The following TMEM200C variants were observed in gnomAD, a reference collection of about 807,000 sequenced individuals.
TMEM200C encodes transmembrane protein 200C, also known as transmembrane protein TTMA.
For synonymous variants in TMEM200C, 462 were observed against 324.7 expected, an observed-to-expected ratio of 1.42 and a Z score of -4.55; for missense variants, 966 against 699.9, an observed-to-expected ratio of 1.38 and a Z score of -4.29.
At chr18:5,887,286 T>C (rs2095166110) in exon 3 of TMEM200C, 1 of 152,192 alleles carries the variant, frequency 6.6e-6, no homozygotes, top group Non-Finnish European at 1.5e-5. Flanking sequence ...TAAGGCCCTT[T>C]CAAATACTCT....
In TMEM200C at chr18:5,891,824, C is replaced by T; in HGVS notation, c.240G>A (p.Gly80=). The change falls in exon 3 of 3, where the codon GGG becomes GGA. Residue 80 remains glycine, a synonymous_variant. Coordinates refer to ENST00000581347, the Ensembl canonical transcript of TMEM200C. The surrounding 1 kb of genome is among the most constrained non-coding windows in gnomAD (Gnocchi z 4.7). ...GCTGCTTACCCCCCTCCCGATTGGT[C>T]CCGGTGGCCTTGGGCCAGTAGCCCA... is the stretch of plus-strand genomic sequence containing the variant. The T allele has an allele frequency of 6.2e-7, 1 of 1,605,450 alleles. No individual in the cohort carries two copies. Among genetic ancestry groups the T allele is most frequent in the East Asian group, 2.2e-5 (1 of 44,824 alleles).
chr18:5,890,314 T>C, exon 3 of TMEM200C: 2 of 1,604,302 alleles, frequency 1.2e-6, no homozygotes, highest in Non-Finnish European at 1.7e-6. Flanking sequence ...TGCTCGGCCG[T>C]GGGTGGCTCC....
At chr18:5,892,325 T>C (rs549902904) in intron 2 of TMEM200C, among the ~76,000 whole-genome samples, 168 bp from the exon 2 acceptor site, 18 of 152,210 alleles carry the variant, frequency 1.2e-4, no homozygotes, top group African/African-American at 3.4e-4. Context: ...AGGTAGACAC[T>C]AGGGAAGGGA....
chr18:5,892,236 G>C, intron 2 of TMEM200C, 79 bp from the exon 2 acceptor site: 1 of 667,262 alleles, frequency 1.5e-6, no homozygotes, highest in South Asian at 1.9e-5. Context: ...CCTACTCCCA[G>C]ATCCCACTCC....
exon 3 of TMEM200C, chr18:5,890,206 C>A: frequency 6.5e-7 from 1 of 1,546,916 alleles, no homozygotes; most frequent in Non-Finnish European, 8.8e-7. Context: ...CTCTAAATGC[C>A]TGTGCTTTCC....
chr18:5,894,185 G>C (rs553528591), intron 2 of TMEM200C, among the ~76,000 whole-genome samples: 49 of 152,250 alleles, frequency 3.2e-4, no homozygotes, highest in Admixed American at 3.3e-4. Flanking sequence ...GGATGCCTTG[G>C]GGGAGGAGGA....
exon 3 of TMEM200C, chr18:5,886,436 G>C (rs926941758): frequency 1.3e-5 from 2 of 152,104 alleles, no homozygotes; most frequent in African/African-American, 4.8e-5. Context: ...CATATGTCTA[G>C]CTCTTGATAG....
At chr18:5,894,604 C>T (rs1476648418) in intron 2 of TMEM200C, among the ~76,000 whole-genome samples, 1 of 152,220 alleles carries the variant, frequency 6.6e-6, no homozygotes, top group Non-Finnish European at 1.5e-5. Context: ...TTCAAGTTCT[C>T]CGCTCAAGAT....
chr18:5,889,969 T>TA, exon 3 of TMEM200C: 1 of 382,922 alleles, frequency 2.6e-6, no homozygotes. Context: ...TCATTGAACA[T>TA]ACAATCACCA....
chr18:5,891,706 G>A lies in TMEM200C; in HGVS notation c.358C>T (p.Pro120Ser). The A allele has an allele frequency of 6.2e-7, 1 of 1,613,488 alleles. No individual in the cohort carries two copies. The highest frequency in any genetic ancestry group is 8.5e-7 in the Non-Finnish European group (1 of 1,179,854). The change falls in exon 3 of 3, where the codon CCA (proline) becomes TCA (serine). Residue 120 changes from proline to serine, a missense_variant. Transcript: ENST00000581347. The surrounding 1 kb of genome is among the most constrained non-coding windows in gnomAD (Gnocchi z 4.7). ...GCGGAACTGGAGTTGACACCCCCTG[G>A]AGCCCTAGGGTGGCTCCTGGACCGG...
chr18:5,888,400 T>C (rs761513798), exon 3 of TMEM200C: 2 of 152,224 alleles, frequency 1.3e-5, no homozygotes, highest in African/African-American at 2.4e-5. Flanking sequence ...TTACAGAATG[T>C]TGAGCTAATG....
At chr18:5,894,020 A>G (rs1298211129) in intron 2 of TMEM200C, among the ~76,000 whole-genome samples, 1 of 152,242 alleles carries the variant, frequency 6.6e-6, no homozygotes, top group Non-Finnish European at 1.5e-5. Flanking sequence ...GGAGTCCAGC[A>G]TCTTAAATAA....
chr18:5,890,125 A>AC (rs2095168497), exon 3 of TMEM200C: 1 of 1,349,962 alleles, frequency 7.4e-7, no homozygotes, highest in Non-Finnish European at 9.9e-7. Flanking sequence ...AGAAACAGGG[A>AC]CCTGTTAATG....
exon 3 of TMEM200C, chr18:5,882,863 G>T (rs1480660644): frequency 8.5e-5 from 13 of 152,058 alleles, no homozygotes; most frequent in Admixed American, 8.5e-4. Context: ...AAGCACTCAA[G>T]TCGTATTTAG....
At chr18:5,890,173 C>T in exon 3 of TMEM200C, 2 of 1,493,702 alleles carry the variant, frequency 1.3e-6, no homozygotes, top group Non-Finnish European at 1.8e-6. Flanking sequence ...TTTTCTCTTT[C>T]CTCCTCCCCA....
In TMEM200C at chr18:5,891,373, AGGC is replaced by A; in HGVS notation, c.688_690del (p.Ala230del). 1.5e-6 allele frequency: 2 copies of A among 1,340,868 alleles called. No homozygotes were observed. The highest frequency in any genetic ancestry group is 3.1e-5 in the East Asian group (1 of 32,578). 83.1% of individuals were successfully genotyped at this position (1,340,868 alleles called of 1,614,324 possible). A position where few individuals can be genotyped will look rare whatever the true frequency, so the allele number is the denominator to read the frequency against. The stretch of plus-strand genomic sequence containing the variant: ...GCGGCGGGGGCAGACGACGACGAAG[AGGC>A]GGCGGCGGCCGCGGCGGCGGCCGCG... On this transcript the variant is annotated inframe_deletion, in exon 3 of 3. Transcript: ENST00000581347. The surrounding 1 kb of genome is among the most constrained non-coding windows in gnomAD (Gnocchi z 4.7).
chr18:5,884,723 TAAAAC>T (rs2095164131), exon 3 of TMEM200C: 1 of 152,160 alleles, frequency 6.6e-6, no homozygotes, highest in African/African-American at 2.4e-5. Flanking sequence ...ATTAGCCACA[TAAAAC>T]AATAGCAAAA....
At chr18:5,890,309 G>T in exon 3 of TMEM200C, 1 of 1,603,420 alleles carries the variant, frequency 6.2e-7, no homozygotes, top group Non-Finnish European at 8.5e-7. Flanking sequence ...GAGGTTGCTC[G>T]GCCGTGGGTG....
chr18:5,886,110 T>C (rs752192967), exon 3 of TMEM200C: 2 of 152,140 alleles, frequency 1.3e-5, no homozygotes, highest in African/African-American at 2.4e-5. Context: ...ACTAATTTTA[T>C]GTGTCAGAGG....
Sources: allele counts gnomAD v4.1 joint callset (sites outside exome capture counted in the v4.1 genomes callset), GRCh38; gene constraint gnomAD v4.1.1; non-coding constraint Gnocchi (gnomAD v3.1); transcripts MANE v1.5; gene names NCBI Gene and HGNC (gene_info 2026-07-23, HGNC 2026-07-21).